Variants in SLC9B2 observed in about 807,000 individuals in gnomAD.
SLC9B2 encodes the protein solute carrier family 9 member B2.
A neutral mutation model predicts 52.2 loss-of-function variants in SLC9B2; 39 were observed. The observed-to-expected ratio is 0.75, with a 90% CI of 0.58 to 0.98. The LOEUF is 0.98. Among genes scored for constraint, SLC9B2 ranks in the 50% least tolerant of loss-of-function variants. The pLI is 0.00. For synonymous variants in SLC9B2, 214 were observed against 227.0 expected, an observed-to-expected ratio of 0.94 and a Z score of 0.51; for missense variants, 626 against 637.5, an observed-to-expected ratio of 0.98 and a Z score of 0.19.
chr4:103,059,538 T>A (rs573823280), intron 3 of SLC9B2, among the ~76,000 whole-genome samples: 2 of 152,362 alleles, frequency 1.3e-5, no homozygotes, highest in East Asian at 3.9e-4. Flanking sequence ...AACCAGCTAC[T>A]AATTGCATGA....
Position 103,067,459 on chromosome 4 carries a change from A to G in SLC9B2, c.90+2T>C. 2 of 1,611,266 alleles carry G rather than the reference A, an allele frequency of 1.2e-6. No individual in the cohort carries two copies. Among genetic ancestry groups the G allele is most frequent in the Middle Eastern group, 1.7e-4 (1 of 6,054 alleles). On this transcript the variant is annotated splice_donor_variant, in intron 2 of 11. Transcript: ENST00000394785. LOFTEE classifies it high-confidence loss of function. Reference sequence around the variant, plus strand: ...CACAATTCTATCACAGCTTAGATTTACCTGTGCTTCTTGATGCATGGAGGG... The same window carrying G: ...CACAATTCTATCACAGCTTAGATTTGCCTGTGCTTCTTGATGCATGGAGGG...
At chr4:103,066,943 A>T (rs1746185062) in intron 2 of SLC9B2, among the ~76,000 whole-genome samples, 1 of 151,936 alleles carries the variant, frequency 6.6e-6, no homozygotes, top group Non-Finnish European at 1.5e-5. Context: ...TCCTGTTTAG[A>T]CTTGGGTTCC....
chr4:103,028,685 A>C (rs1742430667), intron 11 of SLC9B2, 62 bp downstream of exon 11: 12 of 1,521,354 alleles, frequency 7.9e-6, no homozygotes, highest in Non-Finnish European at 9.7e-6. Context: ...CCTCTTATTC[A>C]ATATTTCAAG....
upstream of SLC9B2, chr4:103,077,248 T>C (rs1747260224): frequency 6.6e-6 from 1 of 152,228 alleles, no homozygotes; most frequent in South Asian, 2.1e-4. Flanking sequence ...CCATTCATTC[T>C]TGTCTCTCAG....
intron 3 of SLC9B2, among the ~76,000 whole-genome samples, chr4:103,062,279 C>G (rs888217555): frequency 6.6e-6 from 1 of 151,996 alleles, no homozygotes; most frequent in African/African-American, 2.4e-5. Context: ...ATTAGCCGGG[C>G]ATGGTGGCAC....
At position 103,044,794 on chromosome 4, in the gene SLC9B2, A is replaced by G. The variant is rs1378803365; in HGVS notation, c.996+96T>C. On this transcript the variant is annotated intron_variant, in intron 8 of 11. Transcript: ENST00000394785. ...TTTAAAATGAGGAACCATTTGCTCA[A>G]ACATGTCCTTCACATCTGTCTTTGA... The G allele has an allele frequency of 4.0e-6, 4 of 1,003,522 alleles. No individual in the cohort carries two copies. In the Admixed American group the frequency reaches 7.8e-5, roughly 20 times the overall value. 62.2% of individuals were successfully genotyped at this position (1,003,522 alleles called of 1,614,324 possible).
chr4:103,064,932 A>T (rs1350200946), intron 3 of SLC9B2, among the ~76,000 whole-genome samples: 2 of 152,148 alleles, frequency 1.3e-5, no homozygotes, highest in Non-Finnish European at 2.9e-5. Context: ...TTGGCCGGTT[A>T]AAACTAGTTT....
chr4:103,076,807 C>G (rs1046987564), upstream of SLC9B2: 4 of 152,344 alleles, frequency 2.6e-5, no homozygotes, highest in African/African-American at 9.6e-5. Flanking sequence ...CTCGGGACTC[C>G]GCGGCGCAGG....
rs183021260 is a variant in SLC9B2 at position 103,036,257 on chromosome 4, G to A, written c.1147-4449C>T. ...ATGGAGCTGGAGGCCATAATCCTAA[G>A]CTAATTAATGCAGGAACAGAAAACC... is the stretch of plus-strand genomic sequence containing the variant. On this transcript the variant is annotated intron_variant, in intron 9 of 11. Coordinates refer to ENST00000394785, the MANE Select transcript of SLC9B2 (RefSeq NM_178833.7). Among the ~76,000 whole-genome samples the A allele has an allele frequency of 3.9e-5, 6 of 152,304 alleles. No individual in the cohort carries two copies. The East Asian group carries it at 1.2e-3, about 29-fold the overall frequency.
At position 103,066,476 on chromosome 4, in the gene SLC9B2, T is replaced by A. The variant is rs1315404072; in HGVS notation, c.122A>T (p.Asp41Val). ...EETVMKLKGI[D>V]ANEPTEGSIL... ...ACTTCCTTCTGTTGGTTCATTTGCA[T>A]CTATACCTTTGAGCTTCATAACTGT... Residue 41 changes from aspartate (D) to valine (V), a missense_variant, in exon 3 of 12, where the codon GAT becomes GTT. By Grantham distance (152) the Asp-to-Val change is radical (BLOSUM62 -3). Transcript: ENST00000394785. 6.2e-7 allele frequency: 1 copy of A among 1,614,060 alleles called. No individual in the cohort carries two copies. Among genetic ancestry groups the A allele is most frequent in the South Asian group, 1.1e-5 (1 of 91,080 alleles).
At chr4:103,050,590 AT>A (rs1373384224) in intron 4 of SLC9B2, among the ~76,000 whole-genome samples, 5 of 152,250 alleles carry the variant, frequency 3.3e-5, no homozygotes, top group African/African-American at 1.2e-4. Context: ...ATAATAATTA[AT>A]ATTCCCAAAA....
At position 103,047,172 on chromosome 4, in the gene SLC9B2, C is replaced by T; in HGVS notation, c.768G>A (p.Leu256=). 6.2e-7 allele frequency: 1 copy of T among 1,613,830 alleles called. No individual in the cohort carries two copies. Residue 256 remains leucine (L), a synonymous_variant, in exon 7 of 12, where the codon TTG becomes TTA. Transcript: ENST00000394785. The part of the protein sequence containing the change: ...PAVVVPSMLL[L]QGGGYGVEKG... ...TCTCAACACCATAGCCTCCTCCCTGCAAAAGGAGCATTGAAGGCACCACAA... is the reference window on the plus strand; with the variant it reads ...TCTCAACACCATAGCCTCCTCCCTGTAAAAGGAGCATTGAAGGCACCACAA...
chr4:103,062,250 G>C (rs890797660), intron 3 of SLC9B2, among the ~76,000 whole-genome samples: 1 of 151,874 alleles, frequency 6.6e-6, no homozygotes, highest in South Asian at 2.1e-4. Flanking sequence ...GTGAAACCCC[G>C]TCTCTACTAA....
rs1036189090 is a variant in SLC9B2, at chr4:103,035,772, G to T, written c.1147-3964C>A. ...ATTTGACACAGCCATTCCATTACTG[G>T]TTATATACCCAAAGGAATAGAAATC... is the stretch of plus-strand genomic sequence containing the variant. On this transcript the variant is annotated intron_variant, in intron 9 of 11. Transcript: ENST00000394785. Among the ~76,000 whole-genome samples, 43 of 152,078 alleles carry T rather than the reference G, an allele frequency of 2.8e-4. 3 individuals carry two copies. Among genetic ancestry groups the T allele is most frequent in the Non-Finnish European group, 1.5e-5 (1 of 68,026 alleles).
intron 9 of SLC9B2, among the ~76,000 whole-genome samples, chr4:103,037,508 G>A (rs150990140): frequency 1.4e-3 from 211 of 152,320 alleles, no homozygotes; most frequent in African/African-American, 4.7e-3. Context: ...TTTCTGATGT[G>A]TTTATAGTGG....
chr4:103,031,917 CT>C (rs1264546255), intron 9 of SLC9B2, 109 bp from the exon 10 acceptor site: 33 of 1,053,886 alleles, frequency 3.1e-5, no homozygotes, highest in Non-Finnish European at 4.5e-5. Context: ...AGCTTTATTT[CT>C]GTGCCATCTA....
intron 4 of SLC9B2, among the ~76,000 whole-genome samples, chr4:103,055,887 T>C (rs1745093308): frequency 1.3e-5 from 2 of 149,676 alleles, no homozygotes; most frequent in African/African-American, 4.9e-5. Context: ...CACTGCATGC[T>C]CCACCTCCCG....
intron 1 of SLC9B2, among the ~76,000 whole-genome samples, chr4:103,072,703 T>C (rs1746770516): frequency 6.6e-6 from 1 of 152,186 alleles, no homozygotes; most frequent in Non-Finnish European, 1.5e-5. Context: ...TGCTAAAAGA[T>C]ATGGATAAAG....
chr4:103,035,520 A>G (rs756490833), intron 9 of SLC9B2, among the ~76,000 whole-genome samples: 2 of 152,180 alleles, frequency 1.3e-5, no homozygotes, highest in Non-Finnish European at 2.9e-5. Flanking sequence ...TGCTGAGTCA[A>G]ATGCATTTCT....
Sources: allele counts gnomAD v4.1 joint callset (sites outside exome capture counted in the v4.1 genomes callset), GRCh38; gene constraint gnomAD v4.1.1; transcripts MANE v1.5; gene names NCBI Gene and HGNC (gene_info 2026-07-23, HGNC 2026-07-21).